EPHA10: variants seen among roughly 807,000 people sequenced by gnomAD.
The protein encoded by EPHA10 is ephrin type-A receptor 10.
Under a neutral mutation model 109.7 loss-of-function variants are expected in EPHA10, and 120 were observed. That is an observed-to-expected ratio of 1.09 (90% confidence interval 0.94 to 1.27). The LOEUF (loss-of-function observed/expected upper bound fraction) is 1.27. Ranked by LOEUF, EPHA10 falls within the 50% of genes most tolerant of loss-of-function variation. EPHA10 has a pLI of 0.00. For missense variants in EPHA10, 1,396 were observed against 1,411.1 expected (o/e 0.99, Z 0.17); for synonymous variants, 640 against 618.9 (o/e 1.03, Z -0.51).
At chr1:37,745,592 TA>T (rs1370627095) in intron 5 of EPHA10, among the ~76,000 whole-genome samples, 1 of 152,222 alleles carries the variant, frequency 6.6e-6, no homozygotes, top group Non-Finnish European at 1.5e-5. Context: ...CTCATACCTG[TA>T]ATCTCAGCAT....
intron 14 of EPHA10, 77 bp from the exon 15 acceptor site, chr1:37,719,684 A>G (rs1645755231): frequency 6.6e-7 from 1 of 1,514,880 alleles, no homozygotes; most frequent in Non-Finnish European, 9.1e-7. Context: ...ACACATGCAC[A>G]CACACAGACA....
At chr1:37,759,013 C>T (rs1350736210) in intron 3 of EPHA10, among the ~76,000 whole-genome samples, 1 of 152,236 alleles carries the variant, frequency 6.6e-6, no homozygotes, top group Non-Finnish European at 1.5e-5. Context: ...CCTCATCTCT[C>T]AATGATCTCT....
rs745624589 is a variant in EPHA10, at chr1:37,718,526, A to AGTGTG, written c.2913-41_2913-40insCACAC. The AGTGTG allele has an allele frequency of 1.6e-4, 262 of 1,601,218 alleles. 1 individual carries two copies. The highest frequency in any genetic ancestry group is 4.4e-4 in the African/African-American group (33 of 74,926). ...GGTCACACTCGGCTGGCTTGTCCCC[A>AGTGTG]ACTTCTGCTCCTCCCATGAAGGCCC... On this transcript the variant is annotated intron_variant, in intron 16 of 16. Transcript: ENST00000373048.
chr1:37,752,757 G>A, intron 5 of EPHA10, 119 bp downstream of exon 5: 1 of 604,842 alleles, frequency 1.7e-6, no homozygotes, highest in Non-Finnish European at 2.2e-6. Context: ...TGCGTGTACA[G>A]AGGATGGCTT....
chr1:37,730,980 T>C (rs202093610), intron 7 of EPHA10, among the ~76,000 whole-genome samples: 3 of 152,146 alleles, frequency 2.0e-5, no homozygotes, highest in African/African-American at 7.2e-5. Flanking sequence ...GTGTGAGCCA[T>C]CGCGCCTGGC....
At chr1:37,752,830 G>C (rs1646348792) in intron 5 of EPHA10, 46 bp downstream of exon 5, 14 of 1,218,416 alleles carry the variant, frequency 1.1e-5, no homozygotes, top group Non-Finnish European at 1.3e-5. Flanking sequence ...GGGCGCAGGG[G>C]CGGCAGGCGC....
chr1:37,763,039 C>A (rs1353284792), intron 1 of EPHA10, among the ~76,000 whole-genome samples, 190 bp from the exon 2 acceptor site: 2 of 152,178 alleles, frequency 1.3e-5, no homozygotes, highest in Non-Finnish European at 2.9e-5. Flanking sequence ...AGAGAGGTAG[C>A]CACAGTCAGT....
At chr1:37,759,680 G>T (rs1410894912) in intron 3 of EPHA10, among the ~76,000 whole-genome samples, 1 of 152,102 alleles carries the variant, frequency 6.6e-6, no homozygotes, top group Non-Finnish European at 1.5e-5. Flanking sequence ...CTACTCAGGA[G>T]GCTGAGGCAG....
intron 1 of EPHA10, among the ~76,000 whole-genome samples, chr1:37,763,392 C>T (rs555650351): frequency 7.9e-5 from 12 of 152,294 alleles, no homozygotes; most frequent in Non-Finnish European, 1.6e-4. Context: ...ATACAAGGAC[C>T]ATTGTGATTA....
chr1:37,760,384 T>G, intron 3 of EPHA10: 1 of 1,054,420 alleles, frequency 9.5e-7, no homozygotes, highest in Non-Finnish European at 1.1e-6. Flanking sequence ...GGTCTGTTCC[T>G]AATGCCCCCA....
At chr1:37,742,868 G>A (rs1176484666) in intron 5 of EPHA10, among the ~76,000 whole-genome samples, 1 of 152,146 alleles carries the variant, frequency 6.6e-6, no homozygotes, top group African/African-American at 2.4e-5. Context: ...ATGTTGGCAT[G>A]CCTGCAGTCC....
chr1:37,761,378 C>A (rs1646428496), intron 3 of EPHA10, 27 bp downstream of exon 3: 3 of 1,597,892 alleles, frequency 1.9e-6, no homozygotes, highest in East Asian at 2.2e-5. Flanking sequence ...TACACTCCCA[C>A]CCCACGGCCC....
rs996481657 is a variant in EPHA10 at position 37,754,056 on chromosome 1, C to T, written c.1006+159G>A. On this transcript the variant is annotated intron_variant, in intron 4 of 16. Coordinates refer to ENST00000373048, the MANE Select transcript of EPHA10 (RefSeq NM_001099439.2). This position sits in a 1 kb window ranked among gnomAD's most constrained non-coding sequence, Gnocchi z 4.5. Reference sequence around the variant, plus strand: ...CGGCCCCCAGGGCGCGTCCAGGCTCCGCTCCCCCGTACGCCGCCTTCCGGG... The same window carrying T: ...CGGCCCCCAGGGCGCGTCCAGGCTCTGCTCCCCCGTACGCCGCCTTCCGGG... Among the ~76,000 whole-genome samples, 1 of 152,172 alleles carries T rather than the reference C, an allele frequency of 6.6e-6. No individual in the cohort carries two copies. Among genetic ancestry groups the T allele is most frequent in the African/African-American group, 2.4e-5 (1 of 41,434 alleles).
intron 5 of EPHA10, among the ~76,000 whole-genome samples, chr1:37,743,011 A>T (rs1030322219): frequency 3.3e-5 from 5 of 151,538 alleles, no homozygotes; most frequent in Admixed American, 6.6e-5. Context: ...ATAATAATAT[A>T]ATAATAATAA....
chr1:37,758,438 C>A (rs996748767), intron 3 of EPHA10, among the ~76,000 whole-genome samples: 4 of 152,204 alleles, frequency 2.6e-5, no homozygotes, highest in Non-Finnish European at 5.9e-5. Context: ...ATCCCTCAAT[C>A]TACTGCAACC....
At chr1:37,749,202 C>T (rs999429676) in intron 5 of EPHA10, among the ~76,000 whole-genome samples, 2 of 150,920 alleles carry the variant, frequency 1.3e-5, no homozygotes, top group Non-Finnish European at 2.9e-5. Flanking sequence ...GGATTACAGG[C>T]GTGAGCCACT....
intron 3 of EPHA10, chr1:37,760,856 G>C (rs1290621091): frequency 5.5e-6 from 1 of 182,506 alleles, no homozygotes; most frequent in Non-Finnish European, 1.2e-5. Context: ...GGCCTAGGTA[G>C]GTGGATCACT....
At chr1:37,747,256 A>G (rs915034078) in intron 5 of EPHA10, among the ~76,000 whole-genome samples, 2 of 152,210 alleles carry the variant, frequency 1.3e-5, no homozygotes, top group Non-Finnish European at 1.5e-5. Flanking sequence ...CTTGCCTAGA[A>G]AAAGACTTCA....
At chr1:37,722,089 C>A (rs1645807660) in intron 10 of EPHA10, 10 of 429,408 alleles carry the variant, frequency 2.3e-5, no homozygotes. Flanking sequence ...TGAGATTGTG[C>A]CACTGCACTT....
Sources: allele counts gnomAD v4.1 joint callset (sites outside exome capture counted in the v4.1 genomes callset), GRCh38; gene constraint gnomAD v4.1.1; non-coding constraint Gnocchi (gnomAD v3.1); transcripts MANE v1.5; gene names NCBI Gene and HGNC (gene_info 2026-07-23, HGNC 2026-07-21).